SLC35F3: variants seen among roughly 807,000 people sequenced by gnomAD.
The protein encoded by SLC35F3 is solute carrier family 35 member F3.
Under a neutral mutation model 49.9 loss-of-function variants are expected in SLC35F3, and 25 were observed. The ratio of observed to expected loss-of-function variants is 0.50; its 90% CI spans 0.37 to 0.70. SLC35F3 has a LOEUF of 0.70. Among genes scored for constraint, SLC35F3 ranks in the 30% least tolerant of loss-of-function variants. The probability of loss-of-function intolerance (pLI) is 0.00; values close to 1 mark genes in which losing one functional copy is unlikely to be tolerated. For missense variants in SLC35F3, 525 were observed against 639.8 expected, an observed-to-expected ratio of 0.82 and a Z score of 1.94; for synonymous variants, 275 against 265.4, an observed-to-expected ratio of 1.04 and a Z score of -0.35.
At position 233,984,736 on chromosome 1, in the gene SLC35F3, C is replaced by T. The variant is rs187198558; in HGVS notation, c.283+78978C>T. Among the ~76,000 whole-genome samples, 9 of 151,124 alleles carry T rather than the reference C, an allele frequency of 6.0e-5. No individual in the cohort carries two copies. In the East Asian group the frequency reaches 1.4e-3, roughly 24 times the overall value. ...GAACAAAGAATGGCAGTCAGAGTTG[C>T]GTCCTCAGTTTCCCCTTAGCTGAGG... On this transcript the variant is annotated intron_variant, in intron 2 of 7. Coordinates refer to ENST00000366618, the MANE Select transcript of SLC35F3 (RefSeq NM_173508.4).
At chr1:233,939,407 A>G (rs751876431) in intron 2 of SLC35F3, among the ~76,000 whole-genome samples, 4 of 152,202 alleles carry the variant, frequency 2.6e-5, no homozygotes, top group East Asian at 3.8e-4. Flanking sequence ...GTGAGCTGCA[A>G]TGGTGCCACT....
chr1:233,942,836 C>T (rs955760138), intron 2 of SLC35F3, among the ~76,000 whole-genome samples: 6 of 152,188 alleles, frequency 3.9e-5, no homozygotes, highest in Non-Finnish European at 7.3e-5. Flanking sequence ...GACTGAAACC[C>T]ATTGAATAAC....
At chr1:234,263,022 G>C (rs1667929392) in intron 3 of SLC35F3, among the ~76,000 whole-genome samples, 1 of 152,192 alleles carries the variant, frequency 6.6e-6, no homozygotes, top group Admixed American at 6.5e-5. Context: ...ATGTGGCTTT[G>C]CATATGGGTA....
At chr1:234,149,675 A>G (rs959273080) in intron 2 of SLC35F3, among the ~76,000 whole-genome samples, 1 of 152,130 alleles carries the variant, frequency 6.6e-6, no homozygotes, top group African/African-American at 2.4e-5. Flanking sequence ...CCTGAGAGCT[A>G]TGTTTCATGT....
intron 2 of SLC35F3, among the ~76,000 whole-genome samples, chr1:234,125,475 G>C (rs1014094523): frequency 5.3e-5 from 8 of 152,058 alleles, no homozygotes; most frequent in Non-Finnish European, 7.4e-5. Flanking sequence ...CCTCCCCCAG[G>C]AGGCGCTCTA....
intron 5 of SLC35F3, among the ~76,000 whole-genome samples, 185 bp downstream of exon 5, chr1:234,316,912 G>T (rs996845466): frequency 1.3e-5 from 2 of 152,250 alleles, no homozygotes; most frequent in South Asian, 4.1e-4. Flanking sequence ...AAGGGCAAGG[G>T]GGAGGTGTGC....
intron 2 of SLC35F3, among the ~76,000 whole-genome samples, 179 bp downstream of exon 2, chr1:233,905,937 T>C (rs555848120): frequency 6.6e-6 from 1 of 152,374 alleles, no homozygotes; most frequent in East Asian, 1.9e-4. Flanking sequence ...CTCCTGGACC[T>C]CTGAGGCGTT....
intron 2 of SLC35F3, among the ~76,000 whole-genome samples, chr1:234,217,921 A>G (rs1667147636): frequency 6.6e-6 from 1 of 152,194 alleles, no homozygotes. Context: ...GAGGCATCAC[A>G]GCTGAGGCTG....
At chr1:233,959,889 C>G (rs1239342255) in intron 2 of SLC35F3, among the ~76,000 whole-genome samples, 1 of 152,174 alleles carries the variant, frequency 6.6e-6, no homozygotes, top group Non-Finnish European at 1.5e-5. Context: ...CAGGTGTGAC[C>G]TGGACATTGA....
At chr1:234,180,321 T>C (rs1428700665) in intron 2 of SLC35F3, among the ~76,000 whole-genome samples, 2 of 152,320 alleles carry the variant, frequency 1.3e-5, no homozygotes, top group Non-Finnish European at 1.5e-5. Flanking sequence ...GTTTAGAGCT[T>C]ACTGAAATAG....
In SLC35F3 at chr1:234,323,249, C is replaced by G. The variant is rs1220862731; in HGVS notation, c.*6C>G. The G allele has an allele frequency of 1.9e-6, 3 of 1,611,338 alleles. No individual in the cohort carries two copies. The highest frequency in any genetic ancestry group is 2.7e-5 in the African/African-American group (2 of 74,818). On this transcript the variant is annotated 3_prime_UTR_variant, in exon 8 of 8. Coordinates refer to ENST00000366618, the MANE Select transcript of SLC35F3 (RefSeq NM_173508.4). This position sits in a 1 kb window ranked among gnomAD's most constrained non-coding sequence, Gnocchi z 4.5. ...GCCCTTCCTTCGCCCGCTAACACCA[C>G]TCCTCTAGAACTCGGTGGTAATGAC...
intron 2 of SLC35F3, among the ~76,000 whole-genome samples, chr1:234,191,273 T>C (rs1666726458): frequency 6.6e-6 from 1 of 152,178 alleles, no homozygotes. Context: ...GGAATAAAAC[T>C]GGAAATTAAC....
At chr1:233,974,458 G>GGT (rs1207470269) in intron 2 of SLC35F3, among the ~76,000 whole-genome samples, 1 of 152,014 alleles carries the variant, frequency 6.6e-6, no homozygotes, top group African/African-American at 2.4e-5. Context: ...CTGGGATACA[G>GGT]GTGTGAGCCA....
intron 2 of SLC35F3, among the ~76,000 whole-genome samples, chr1:234,118,649 A>G (rs1276017881): frequency 6.6e-6 from 1 of 152,154 alleles, no homozygotes; most frequent in Admixed American, 6.5e-5. Context: ...TCCTGGCTCT[A>G]TGTGATTCAT....
At chr1:234,295,626 G>A (rs1266675677) in intron 3 of SLC35F3, among the ~76,000 whole-genome samples, 6 of 152,188 alleles carry the variant, frequency 3.9e-5, no homozygotes, top group African/African-American at 9.7e-5. Flanking sequence ...TGTGGTGTGG[G>A]GGTACAAAAG....
chr1:234,057,367 C>T (rs1664472244), intron 2 of SLC35F3, among the ~76,000 whole-genome samples: 1 of 152,076 alleles, frequency 6.6e-6, no homozygotes, highest in African/African-American at 2.4e-5. Context: ...GTAACTTTTG[C>T]ACTTCATTTG....
intron 6 of SLC35F3, among the ~76,000 whole-genome samples, chr1:234,319,292 A>C (rs1657560595): frequency 6.6e-6 from 1 of 151,816 alleles, no homozygotes; most frequent in South Asian, 2.1e-4. Flanking sequence ...ATATTCAATA[A>C]ATACTATAGA....
At chr1:234,312,485 A>G (rs1657379839) in intron 4 of SLC35F3, among the ~76,000 whole-genome samples, 4 of 152,214 alleles carry the variant, frequency 2.6e-5, no homozygotes, top group African/African-American at 9.6e-5. Context: ...CCCAAACAGT[A>G]TCTGGTATCT....
At chr1:233,938,024 A>G (rs898996508) in intron 2 of SLC35F3, among the ~76,000 whole-genome samples, 4 of 152,204 alleles carry the variant, frequency 2.6e-5, no homozygotes, top group Admixed American at 2.6e-4. Flanking sequence ...AGGTGACAGA[A>G]GACAGGTGAA....
Sources: gnomAD v4.1 joint callset for allele counts (sites outside exome capture counted in the v4.1 genomes callset) on GRCh38, gnomAD v4.1.1 for gene constraint, Gnocchi (gnomAD v3.1) non-coding constraint, MANE v1.5 for transcripts, NCBI Gene and HGNC (gene_info 2026-07-23, HGNC 2026-07-21) for gene names.